The following GFRA1 variants were observed in gnomAD, a reference collection of about 807,000 sequenced individuals.
The protein encoded by GFRA1 is GDNF family receptor alpha-1.
GFRA1 carries 16 observed loss-of-function variants against 51.6 expected under a neutral mutation model. That is an observed-to-expected ratio of 0.31 (90% CI 0.21 to 0.47). GFRA1 has a LOEUF of 0.47. Among genes scored for constraint, GFRA1 ranks in the 20% least tolerant of loss-of-function variants. The probability of loss-of-function intolerance (pLI) is 1.00; values close to 1 mark genes in which losing one functional copy is unlikely to be tolerated. For missense variants in GFRA1, 530 were observed against 594.3 expected, an observed-to-expected ratio of 0.89 and a Z score of 1.13; for synonymous variants, 270 against 241.3, an observed-to-expected ratio of 1.12 and a Z score of -1.10.
chr10:116,270,870 CCTT>C lies in GFRA1; in HGVS notation c.283_285del (p.Lys95del), dbSNP rs1565694475. The C allele has an allele frequency of 5.0e-6, 8 of 1,613,990 alleles. No individual in the cohort carries two copies. The highest frequency in any genetic ancestry group is 2.2e-5 in the East Asian group (1 of 44,854). ...CAGTAAATGCGCAGGCAGTTCTTCTCCTTCTTCATACCCCGCTTGCAGCGGCAG... is the reference window on the plus strand; with the variant it reads ...CAGTAAATGCGCAGGCAGTTCTTCTCCTTCATACCCCGCTTGCAGCGGCAG... On this transcript the variant is annotated inframe_deletion, in exon 3 of 11. Transcript: ENST00000355422.
chr10:116,068,171 C>A (rs1955202214), intron 9 of GFRA1, among the ~76,000 whole-genome samples: 1 of 152,206 alleles, frequency 6.6e-6, no homozygotes, highest in African/African-American at 2.4e-5. Flanking sequence ...ATCTTCCCAA[C>A]CCACAGAGGC....
chr10:116,100,035 T>C (rs1956756816), intron 6 of GFRA1, among the ~76,000 whole-genome samples: 1 of 152,242 alleles, frequency 6.6e-6, no homozygotes. Context: ...ATTCTGACTC[T>C]ACCACTTAAG....
At chr10:116,270,796 G>C (rs755703806) in intron 3 of GFRA1, 26 bp downstream of exon 3, 2 of 1,592,800 alleles carry the variant, frequency 1.3e-6, no homozygotes, top group Admixed American at 1.7e-5. Flanking sequence ...GGGACACGGG[G>C]TGGGGTGGGG....
At chr10:116,110,277 C>T (rs1957156307) in intron 6 of GFRA1, among the ~76,000 whole-genome samples, 1 of 152,112 alleles carries the variant, frequency 6.6e-6, no homozygotes, top group African/African-American at 2.4e-5. Context: ...AACTCTGTGC[C>T]AGGCACTGGG....
intron 5 of GFRA1, among the ~76,000 whole-genome samples, chr10:116,192,366 C>T (rs1348022021): frequency 2.0e-5 from 3 of 152,138 alleles, no homozygotes; most frequent in African/African-American, 7.2e-5. Context: ...TGCTGGGGAA[C>T]CTCAGGTGTC....
At chr10:116,202,565 A>G (rs1964422084) in intron 5 of GFRA1, among the ~76,000 whole-genome samples, 1 of 152,188 alleles carries the variant, frequency 6.6e-6, no homozygotes, top group Admixed American at 6.5e-5. Context: ...TCACTGACCC[A>G]CAGGCTTAAC....
chr10:116,103,087 C>T (rs563699382), intron 6 of GFRA1, among the ~76,000 whole-genome samples: 45 of 152,290 alleles, frequency 3.0e-4, no homozygotes, highest in Non-Finnish European at 3.8e-4. Flanking sequence ...CCACTTTTCA[C>T]GCAGCCTCTC....
chr10:116,184,126 T>C (rs1962488478), intron 5 of GFRA1, among the ~76,000 whole-genome samples: 1 of 152,214 alleles, frequency 6.6e-6, no homozygotes, highest in African/African-American at 2.4e-5. Flanking sequence ...ATCAGCCCAA[T>C]TGTTCATGAA....
chr10:116,162,184 G>A (rs1959884872), intron 5 of GFRA1, among the ~76,000 whole-genome samples: 1 of 152,214 alleles, frequency 6.6e-6, no homozygotes, highest in Non-Finnish European at 1.5e-5. Flanking sequence ...TTCACCAGCA[G>A]TAGTTGGACC....
chr10:116,092,096 TACACACACACACACACACACAC>T (rs58442181), intron 8 of GFRA1, among the ~76,000 whole-genome samples: 106 of 138,210 alleles, frequency 7.7e-4, no homozygotes, highest in Non-Finnish European at 1.3e-3. Context: ...CATACATACG[TACACACACACACACACACACAC>T]ACACACACAC....
intron 5 of GFRA1, among the ~76,000 whole-genome samples, chr10:116,181,878 C>T (rs1962262122): frequency 2.0e-5 from 3 of 152,228 alleles, no homozygotes; most frequent in South Asian, 4.1e-4. Context: ...CTCCTGACCT[C>T]GTGATCCACC....
intron 8 of GFRA1, among the ~76,000 whole-genome samples, chr10:116,090,677 G>C (rs183937788): frequency 1.9e-4 from 29 of 151,958 alleles, no homozygotes; most frequent in Non-Finnish European, 2.2e-4. Flanking sequence ...TCCCCAAAAT[G>C]AATAAAAAAC....
At chr10:116,083,239 G>C (rs571865551) in intron 9 of GFRA1, among the ~76,000 whole-genome samples, 1 of 152,208 alleles carries the variant, frequency 6.6e-6, no homozygotes, top group Admixed American at 6.5e-5. Flanking sequence ...TTGGAGGGGT[G>C]GGGTAAGGAC....
At chr10:116,246,698 T>C (rs1046178982) in intron 4 of GFRA1, among the ~76,000 whole-genome samples, 1 of 152,044 alleles carries the variant, frequency 6.6e-6, no homozygotes, top group African/African-American at 2.4e-5. Flanking sequence ...AAAAGCAAAA[T>C]AGCAATTAGT....
At chr10:116,112,173 G>A (rs956346376) in intron 6 of GFRA1, among the ~76,000 whole-genome samples, 22 of 152,102 alleles carry the variant, frequency 1.4e-4, no homozygotes, top group Non-Finnish European at 5.9e-5. Context: ...TTGTCCATTC[G>A]ATTTTGCCTT....
chr10:116,076,421 A>G (rs994704877), intron 9 of GFRA1, among the ~76,000 whole-genome samples: 2 of 152,110 alleles, frequency 1.3e-5, no homozygotes, highest in African/African-American at 2.4e-5. Flanking sequence ...ACAACTAGAG[A>G]ACTGAATGAG....
At chr10:116,089,689 A>AC (rs1163634931) in intron 9 of GFRA1, 52 bp downstream of exon 9, 91 of 1,476,316 alleles carry the variant, frequency 6.2e-5, no homozygotes, top group Non-Finnish European at 7.0e-5. Flanking sequence ...CCCGTGTTTC[A>AC]CCCCCCCACC....
At chr10:116,240,815 G>A (rs962998269) in intron 4 of GFRA1, among the ~76,000 whole-genome samples, 24 of 152,142 alleles carry the variant, frequency 1.6e-4, no homozygotes, top group Non-Finnish European at 3.2e-4. Context: ...AGGAATAAAC[G>A]AATGAATAGC....
At chr10:116,185,753 T>C (rs1962648558) in intron 5 of GFRA1, among the ~76,000 whole-genome samples, 1 of 152,178 alleles carries the variant, frequency 6.6e-6, no homozygotes, top group South Asian at 2.1e-4. Context: ...CAGAGAGCAC[T>C]TCCTTAATAA....
Sources: allele counts gnomAD v4.1 joint callset (sites outside exome capture counted in the v4.1 genomes callset), GRCh38; gene constraint gnomAD v4.1.1; transcripts MANE v1.5; gene names NCBI Gene and HGNC (gene_info 2026-07-23, HGNC 2026-07-21).